The following LRP1B variants were observed in gnomAD, a reference collection of about 807,000 sequenced individuals.
LRP1B encodes the protein low-density lipoprotein receptor-related protein 1B.
In LRP1B, 217 loss-of-function variants were observed where a neutral mutation model predicts 556.6. The observed-to-expected ratio is 0.39, with a 90% CI of 0.35 to 0.44. LRP1B has a LOEUF of 0.44. LRP1B is among the 20% of genes least tolerant of loss of function. The pLI, the probability that LRP1B is intolerant of heterozygous loss-of-function variation, is 1.00. For synonymous variants in LRP1B, 2,047 were observed against 1,865.8 expected (o/e 1.10, Z -2.50); for missense variants, 5,053 against 5,620.8 (o/e 0.90, Z 3.23).
chr2:140,237,931 A>T (rs1314206829), intron 89 of LRP1B, among the ~76,000 whole-genome samples: 1 of 150,912 alleles, frequency 6.6e-6, no homozygotes, highest in Non-Finnish European at 1.5e-5. Context: ...AGAACTGAGC[A>T]AATAAATATG....
intron 86 of LRP1B, among the ~76,000 whole-genome samples, chr2:140,258,097 A>G (rs1414990246): frequency 6.6e-6 from 1 of 152,144 alleles, no homozygotes; most frequent in Non-Finnish European, 1.5e-5. Context: ...CTTCCTCCCA[A>G]ACGTGTTGCA....
chr2:141,322,504 A>G (rs1285231304), intron 3 of LRP1B, among the ~76,000 whole-genome samples: 1 of 152,034 alleles, frequency 6.6e-6, no homozygotes. Context: ...ATAGGATTAC[A>G]TTCCCTTTTT....
intron 7 of LRP1B, among the ~76,000 whole-genome samples, chr2:141,117,368 C>G (rs1438543560): frequency 6.6e-6 from 1 of 151,262 alleles, no homozygotes; most frequent in African/African-American, 2.4e-5. Context: ...AACACTAGTA[C>G]TGTAGTCTTT....
chr2:141,640,657 G>C (rs965893200), intron 2 of LRP1B, among the ~76,000 whole-genome samples: 17 of 152,156 alleles, frequency 1.1e-4, no homozygotes, highest in African/African-American at 4.1e-4. Flanking sequence ...AGCCGGGCAT[G>C]ATGGCATGGG....
At chr2:141,959,332 T>C (rs1369547279) in intron 1 of LRP1B, among the ~76,000 whole-genome samples, 1 of 151,968 alleles carries the variant, frequency 6.6e-6, no homozygotes, top group Non-Finnish European at 1.5e-5. Flanking sequence ...CTTTGAGTAA[T>C]TGATAGAATC....
rs143918780 is a variant in LRP1B at position 141,113,059 on chromosome 2, G to C, written c.1014-50786C>G. Reference sequence around the variant, plus strand: ...TAATACTATGGAAATCACTAGCTCTGTGGACAAACCTTCTCTCTATAAAGT... The same window carrying C: ...TAATACTATGGAAATCACTAGCTCTCTGGACAAACCTTCTCTCTATAAAGT... On this transcript the variant is annotated intron_variant, in intron 7 of 90. Coordinates refer to ENST00000389484, the MANE Select transcript of LRP1B (RefSeq NM_018557.3). Among the ~76,000 whole-genome samples the C allele has an allele frequency of 1.7e-3, 263 of 152,230 alleles. 2 individuals are homozygous for C. The highest frequency in any genetic ancestry group is 6.1e-3 in the African/African-American group (255 of 41,550).
chr2:141,420,798 G>T (rs920193479), intron 3 of LRP1B, among the ~76,000 whole-genome samples: 1 of 152,156 alleles, frequency 6.6e-6, no homozygotes, highest in Non-Finnish European at 1.5e-5. Flanking sequence ...TTTCTAAGTG[G>T]CCCCCAGAAA....
intron 2 of LRP1B, among the ~76,000 whole-genome samples, chr2:141,577,615 C>T (rs1409541211): frequency 2.0e-5 from 3 of 152,082 alleles, no homozygotes; most frequent in South Asian, 2.1e-4. Flanking sequence ...TAGAGATCCC[C>T]GCTAAAGCCC....
At chr2:140,631,230 A>C (rs1376032746) in intron 41 of LRP1B, among the ~76,000 whole-genome samples, 1 of 152,184 alleles carries the variant, frequency 6.6e-6, no homozygotes, top group South Asian at 2.1e-4. Flanking sequence ...TCAGTTCATA[A>C]ACCTGATACA....
At chr2:142,044,888 A>G (rs1704199687) in intron 1 of LRP1B, among the ~76,000 whole-genome samples, 1 of 151,782 alleles carries the variant, frequency 6.6e-6, no homozygotes, top group East Asian at 2.0e-4. Flanking sequence ...ACATGCTAAT[A>G]TCCATACCTT....
At chr2:141,157,587 C>T (rs73962832) in intron 7 of LRP1B, among the ~76,000 whole-genome samples, 4,440 of 152,108 alleles carry the variant, frequency 0.029, 221 homozygotes, top group African/African-American at 0.1. Context: ...GATTTTCCTA[C>T]AGTTCGATTC....
intron 11 of LRP1B, among the ~76,000 whole-genome samples, chr2:141,028,585 G>C (rs891456322): frequency 6.6e-6 from 1 of 151,842 alleles, no homozygotes; most frequent in Non-Finnish European, 1.5e-5. Flanking sequence ...TATTATAAGA[G>C]GAATTTCAGT....
chr2:141,440,195 C>T (rs1472853223), intron 3 of LRP1B, among the ~76,000 whole-genome samples: 1 of 152,174 alleles, frequency 6.6e-6, no homozygotes, highest in Non-Finnish European at 1.5e-5. Context: ...TGAGCAAAGG[C>T]GAGGAGTGAC....
intron 3 of LRP1B, among the ~76,000 whole-genome samples, chr2:141,436,059 C>T (rs1028039388): frequency 1.3e-5 from 2 of 152,100 alleles, no homozygotes; most frequent in East Asian, 1.9e-4. Flanking sequence ...AGTGTAAATG[C>T]CACAGACTCT....
At chr2:140,653,718 A>C (rs1229787085) in intron 41 of LRP1B, among the ~76,000 whole-genome samples, 1 of 152,058 alleles carries the variant, frequency 6.6e-6, no homozygotes, top group Non-Finnish European at 1.5e-5. Flanking sequence ...TATGCTAAAG[A>C]AGCATACTAA....
intron 67 of LRP1B, among the ~76,000 whole-genome samples, chr2:140,384,764 C>T (rs1449155653): frequency 1.3e-5 from 2 of 152,076 alleles, no homozygotes; most frequent in South Asian, 2.1e-4. Flanking sequence ...TAGTCTTCTG[C>T]GTCTGGGGAA....
intron 2 of LRP1B, among the ~76,000 whole-genome samples, chr2:141,591,368 T>TG (rs1553539648): frequency 6.6e-6 from 1 of 150,734 alleles, no homozygotes; most frequent in Non-Finnish European, 1.5e-5. Flanking sequence ...TGTTTGTTTT[T>TG]TTTTTTTTCC....
chr2:141,241,369 C>T (rs1683871763), intron 5 of LRP1B, among the ~76,000 whole-genome samples: 1 of 152,016 alleles, frequency 6.6e-6, no homozygotes, highest in Non-Finnish European at 1.5e-5. Context: ...GAAGCTTGTT[C>T]TCCAGCTGTA....
At chr2:141,638,392 TG>T (rs1689179567) in intron 2 of LRP1B, among the ~76,000 whole-genome samples, 1 of 151,906 alleles carries the variant, frequency 6.6e-6, no homozygotes, top group Admixed American at 6.6e-5. Flanking sequence ...TTTTTGTTGT[TG>T]TTTTTTAATG....
Sources: gnomAD v4.1 joint callset for allele counts (sites outside exome capture counted in the v4.1 genomes callset) on GRCh38, gnomAD v4.1.1 for gene constraint, MANE v1.5 for transcripts, NCBI Gene and HGNC (gene_info 2026-07-23, HGNC 2026-07-21) for gene names.